The following SEPTIN11 variants were observed in gnomAD, a reference collection of about 807,000 sequenced individuals.
The protein encoded by SEPTIN11 is septin 11.
SEPTIN11 carries 25 observed loss-of-function variants against 51.4 expected under a neutral mutation model. The observed-to-expected ratio is 0.49, with a 90% CI of 0.35 to 0.68. The LOEUF is 0.68. Among genes scored for constraint, SEPTIN11 ranks in the 30% least tolerant of loss-of-function variants. The pLI is 0.00. For missense variants in SEPTIN11, 381 were observed against 520.8 expected, an observed-to-expected ratio of 0.73 and a Z score of 2.61; for synonymous variants, 174 against 184.1, an observed-to-expected ratio of 0.95 and a Z score of 0.44.
At chr4:76,966,748 C>G (rs558092206) in intron 1 of SEPTIN11, among the ~76,000 whole-genome samples, 1 of 152,048 alleles carries the variant, frequency 6.6e-6, no homozygotes, top group Non-Finnish European at 1.5e-5. Context: ...CCTGTTGTCC[C>G]AGCTACTCCG....
intron 1 of SEPTIN11, chr4:76,995,785 C>T (rs1394050986): frequency 7.9e-6 from 12 of 1,520,582 alleles, no homozygotes; most frequent in Non-Finnish European, 7.0e-6. Context: ...CCCTAGTCTA[C>T]ATCGGTAAAC....
chr4:76,996,334 G>C, intron 1 of SEPTIN11, 91 bp from the exon 2 acceptor site: 2 of 972,074 alleles, frequency 2.1e-6, no homozygotes, highest in Non-Finnish European at 3.3e-6. Context: ...TATGTCAAGG[G>C]AAGAAGAAGA....
intron 6 of SEPTIN11, among the ~76,000 whole-genome samples, chr4:77,020,134 C>G (rs536550035): frequency 2.0e-3 from 308 of 152,302 alleles, no homozygotes; most frequent in Admixed American, 3.9e-3. Context: ...AATCTAGACC[C>G]TGCTACCTCT....
chr4:77,010,396 C>CA (rs919288945), intron 3 of SEPTIN11, among the ~76,000 whole-genome samples: 3 of 150,140 alleles, frequency 2.0e-5, no homozygotes, highest in African/African-American at 7.3e-5. Context: ...CTCATTCATT[C>CA]TTCTTATTGG....
intron 9 of SEPTIN11, among the ~76,000 whole-genome samples, chr4:77,033,620 G>A (rs774585986): frequency 2.0e-5 from 3 of 152,164 alleles, no homozygotes; most frequent in East Asian, 1.9e-4. Flanking sequence ...CCTTGTTTGC[G>A]GCTATACCAC....
intron 1 of SEPTIN11, 75 bp from the exon 2 acceptor site, chr4:76,996,350 T>C (rs2109935181): frequency 9.5e-7 from 1 of 1,052,886 alleles, no homozygotes; most frequent in Non-Finnish European, 1.5e-6. Context: ...GAAGAAAGAA[T>C]GTAATGTTTG....
intron 1 of SEPTIN11, among the ~76,000 whole-genome samples, chr4:76,964,927 TGA>T (rs1310551157): frequency 5.9e-5 from 9 of 152,298 alleles, no homozygotes; most frequent in African/African-American, 1.9e-4. Flanking sequence ...AGAAGTAGCT[TGA>T]TTTGAGCTCA....
chr4:77,026,984 TATAAG>T (rs1371417687), intron 7 of SEPTIN11, among the ~76,000 whole-genome samples: 1 of 152,202 alleles, frequency 6.6e-6, no homozygotes, highest in Non-Finnish European at 1.5e-5. Context: ...GTTTTTATCT[TATAAG>T]ATAATGTGAA....
chr4:77,036,250 A>G lies in SEPTIN11; in HGVS notation c.*1738A>G, dbSNP rs1727017575. ...CATAGTCTTCACAGGTTTAGGAGCT[A>G]CTGGACCAACATTCTTGTTTTTGCT... On this transcript the variant is annotated 3_prime_UTR_variant, in exon 10 of 10. Transcript: ENST00000264893. The G allele has an allele frequency of 9.9e-7, 1 of 1,014,500 alleles. No homozygotes were observed. Among genetic ancestry groups the G allele is most frequent in the Admixed American group, 5.2e-5 (1 of 19,072 alleles). 62.8% of individuals were successfully genotyped at this position (1,014,500 alleles called of 1,614,324 possible). A position where few individuals can be genotyped will look rare whatever the true frequency, so the allele number is the denominator to read the frequency against.
chr4:77,034,055 T>C (rs1308503130), intron 9 of SEPTIN11, among the ~76,000 whole-genome samples: 2 of 152,238 alleles, frequency 1.3e-5, no homozygotes, highest in Non-Finnish European at 1.5e-5. Flanking sequence ...TTAGACCTTT[T>C]CTTCAAGTCA....
At chr4:77,014,294 C>G (rs528233623) in intron 4 of SEPTIN11, among the ~76,000 whole-genome samples, 1 of 152,258 alleles carries the variant, frequency 6.6e-6, no homozygotes, top group African/African-American at 2.4e-5. Context: ...ATTTTCAGGT[C>G]ATCAGAAGAA....
rs116271518 is a variant in SEPTIN11, at chr4:77,015,376, A to G, written c.687+359A>G. Among the ~76,000 whole-genome samples, 595 of 152,242 alleles carry G rather than the reference A, an allele frequency of 3.9e-3. 3 individuals are homozygous for G. The highest frequency in any genetic ancestry group is 0.013 in the African/African-American group (550 of 41,544). On this transcript the variant is annotated intron_variant, in intron 5 of 9. Coordinates refer to ENST00000264893, the MANE Select transcript of SEPTIN11 (RefSeq NM_018243.4). ...GGCAGAAATACATTAGCTTGTCCCA[A>G]TTTTGCTTTGGTGATTGGATCCTGC...
At chr4:76,999,446 C>T (rs956988743) in intron 2 of SEPTIN11, among the ~76,000 whole-genome samples, 1 of 152,170 alleles carries the variant, frequency 6.6e-6, no homozygotes, top group Non-Finnish European at 1.5e-5. Context: ...TTACTCCCTT[C>T]CTCTTACTGC....
chr4:76,980,902 GC>G (rs1211947272), intron 1 of SEPTIN11, among the ~76,000 whole-genome samples: 1 of 152,088 alleles, frequency 6.6e-6, no homozygotes, highest in African/African-American at 2.4e-5. Flanking sequence ...AGGATCTCTT[GC>G]CAAGCTATAA....
downstream of SEPTIN11, chr4:77,039,709 A>T (rs143970840): frequency 3.2e-3 from 3,176 of 983,734 alleles, 5 homozygotes; most frequent in Middle Eastern, 4.2e-3. Flanking sequence ...TTTTCTTTGG[A>T]GTGTTCTATT....
At chr4:76,998,524 G>A (rs1041441804) in intron 2 of SEPTIN11, among the ~76,000 whole-genome samples, 2 of 152,102 alleles carry the variant, frequency 1.3e-5, no homozygotes, top group African/African-American at 4.8e-5. Flanking sequence ...AGCCAGTCAC[G>A]TTGCATCGCT....
At position 76,997,851 on chromosome 4, in the gene SEPTIN11, A is replaced by G. The variant is rs181360144; in HGVS notation, c.142+1312A>G. ...TCTATTGAAAAGTATGCTAAATTGT[A>G]ATCGCAGGCCAATTACTATTCTGGC... On this transcript the variant is annotated intron_variant, in intron 2 of 9. Transcript: ENST00000264893. Among the ~76,000 whole-genome samples, 486 of 152,312 alleles carry G rather than the reference A, an allele frequency of 3.2e-3. 2 individuals are homozygous for G. Among genetic ancestry groups the G allele is most frequent in the African/African-American group, 0.011 (460 of 41,558 alleles).
intron 1 of SEPTIN11, among the ~76,000 whole-genome samples, chr4:76,955,828 C>T (rs999206906): frequency 6.6e-5 from 10 of 152,132 alleles, no homozygotes; most frequent in Non-Finnish European, 1.5e-4. Context: ...TCTTCCTCTG[C>T]CCAGTTTTAT....
At chr4:77,016,645 T>TATATATATATATATATATATACAC (rs1725314400) in intron 5 of SEPTIN11, among the ~76,000 whole-genome samples, 1 of 127,846 alleles carries the variant, frequency 7.8e-6, no homozygotes, top group African/African-American at 2.9e-5. Context: ...TATATATATA[T>TATATATATATATATATATATACAC]ATATATATAT....
Sources: gnomAD v4.1 joint callset for allele counts (sites outside exome capture counted in the v4.1 genomes callset) on GRCh38, gnomAD v4.1.1 for gene constraint, MANE v1.5 for transcripts, NCBI Gene and HGNC (gene_info 2026-07-23, HGNC 2026-07-21) for gene names.